The following SERGEF variants were observed in gnomAD, a reference collection of about 807,000 sequenced individuals.
SERGEF encodes the protein secretion-regulating guanine nucleotide exchange factor.
Under a neutral mutation model 50.0 loss-of-function variants are expected in SERGEF, and 51 were observed. That is an observed-to-expected ratio of 1.02 (90% CI 0.81 to 1.29). The LOEUF (loss-of-function observed/expected upper bound fraction) is 1.29, where lower values mean the gene tolerates loss of function less well. Among genes scored for constraint, SERGEF ranks in the 50% most tolerant of loss-of-function variants. SERGEF has a pLI of 0.00. For missense variants in SERGEF, 521 were observed against 557.0 expected (o/e 0.94, Z 0.65); for synonymous variants, 205 against 212.4 (o/e 0.97, Z 0.30).
intron 8 of SERGEF, among the ~76,000 whole-genome samples, chr11:17,976,086 C>T (rs1590228397): frequency 6.6e-6 from 1 of 152,022 alleles, no homozygotes; most frequent in Non-Finnish European, 1.5e-5. Flanking sequence ...AATGACTTGC[C>T]CAAGATCACA....
chr11:17,833,175 G>A (rs1271437706), intron 10 of SERGEF, among the ~76,000 whole-genome samples: 1 of 152,158 alleles, frequency 6.6e-6, no homozygotes, highest in African/African-American at 2.4e-5. Context: ...TGGGAGCAGG[G>A]TCCCTGTGCT....
chr11:17,898,086 T>C (rs578103626), intron 9 of SERGEF, among the ~76,000 whole-genome samples: 2 of 152,230 alleles, frequency 1.3e-5, no homozygotes, highest in Non-Finnish European at 2.9e-5. Context: ...GGGCTGAGCA[T>C]TCATGATAAT....
Position 17,992,000 on chromosome 11 carries a change from G to C in SERGEF, c.685+931C>G, listed in dbSNP as rs1164310484. On this transcript the variant is annotated intron_variant, in intron 7 of 10. Coordinates refer to ENST00000265965, the MANE Select transcript of SERGEF (RefSeq NM_012139.4). This position sits in a 1 kb window ranked among gnomAD's most constrained non-coding sequence, Gnocchi z 4.9. ...GTCTCCAGTCTACCAGCAGGGGTCAGGGCAATGTGGGCCAAAGAGAAGGGA... is the reference window on the plus strand; with the variant it reads ...GTCTCCAGTCTACCAGCAGGGGTCACGGCAATGTGGGCCAAAGAGAAGGGA... Among the ~76,000 whole-genome samples the C allele has an allele frequency of 6.6e-6, 1 of 152,162 alleles. No individual in the cohort carries two copies. The highest frequency in any genetic ancestry group is 1.5e-5 in the Non-Finnish European group (1 of 68,038).
At position 17,788,381 on chromosome 11, in the gene SERGEF, G is replaced by T; in HGVS notation, c.1081C>A (p.His361Asn). The T allele has an allele frequency of 6.2e-7, 1 of 1,611,990 alleles. No individual in the cohort carries two copies. The highest frequency in any genetic ancestry group is 8.5e-7 in the Non-Finnish European group (1 of 1,178,396). The change falls in exon 11 of 11, where the codon CAT (histidine) becomes AAT (asparagine). Residue 361 changes from histidine to asparagine, a missense_variant. Coordinates refer to ENST00000265965, the MANE Select transcript of SERGEF (RefSeq NM_012139.4). ...TCAGTGCCATCTCCGCACATGCCAT[G>T]CTCATTCCAGCCCCAAGAGTAACAC... ...GVCYSWGWNE[H>N]GMCGDGTEAN...
chr11:17,841,699 G>C (rs1372488216), intron 10 of SERGEF, among the ~76,000 whole-genome samples: 3 of 152,150 alleles, frequency 2.0e-5, no homozygotes, highest in Admixed American at 1.3e-4. Flanking sequence ...ATCCTTCTAT[G>C]ATTACTATGA....
chr11:17,919,970 A>C (rs1415361252), intron 9 of SERGEF, among the ~76,000 whole-genome samples: 1 of 148,988 alleles, frequency 6.7e-6, no homozygotes, highest in Non-Finnish European at 1.5e-5. Flanking sequence ...AACCGCAGCC[A>C]GGCACGGTGG....
intron 8 of SERGEF, among the ~76,000 whole-genome samples, chr11:17,973,555 G>A (rs1000068302): frequency 2.6e-5 from 4 of 152,164 alleles, no homozygotes; most frequent in African/African-American, 9.7e-5. Context: ...AGTAGGGAAG[G>A]GAAGGAGCCT....
At chr11:17,792,967 T>C (rs183126007) in intron 10 of SERGEF, among the ~76,000 whole-genome samples, 188 of 152,342 alleles carry the variant, frequency 1.2e-3, no homozygotes, top group African/African-American at 4.1e-3. Flanking sequence ...AATTTGGTCA[T>C]AGTTTGCCAT....
rs1181718058 is a variant in SERGEF at position 17,884,829 on chromosome 11, G to T, written c.1012-6585C>A. ...CTATCTTCCAGAGAAGTTGGGGTGA[G>T]AAGAAGAGAGCTAAAGTTTGGTTAA... On this transcript the variant is annotated intron_variant, in intron 9 of 10. Transcript: ENST00000265965. This position sits in a 1 kb window ranked among gnomAD's most constrained non-coding sequence, Gnocchi z 4.6. 6.6e-6 allele frequency among the ~76,000 whole-genome samples: 1 copy of T among 152,188 alleles called. No homozygotes were observed. Among genetic ancestry groups the T allele is most frequent in the African/African-American group, 2.4e-5 (1 of 41,440 alleles).
intron 10 of SERGEF, among the ~76,000 whole-genome samples, chr11:17,845,833 T>C (rs566916933): frequency 1.3e-4 from 20 of 152,312 alleles, no homozygotes; most frequent in African/African-American, 4.8e-4. Context: ...TCCAGGTCTA[T>C]AGAACTGGGA....
intron 10 of SERGEF, among the ~76,000 whole-genome samples, chr11:17,839,805 C>T (rs1258037404): frequency 6.6e-6 from 1 of 152,166 alleles, no homozygotes; most frequent in East Asian, 1.9e-4. Flanking sequence ...GACCCTCACA[C>T]ACAAAACTCT....
chr11:17,823,084 T>A (rs1043068065), intron 10 of SERGEF, among the ~76,000 whole-genome samples: 3 of 152,212 alleles, frequency 2.0e-5, no homozygotes, highest in African/African-American at 7.2e-5. Flanking sequence ...AGCCATCATG[T>A]CTCCTTAGTC....
At chr11:17,861,693 G>C (rs1367662119) in intron 10 of SERGEF, among the ~76,000 whole-genome samples, 3 of 152,260 alleles carry the variant, frequency 2.0e-5, no homozygotes, top group African/African-American at 7.2e-5. Context: ...TGTTTGGCTT[G>C]GTTGTCATGG....
intron 10 of SERGEF, among the ~76,000 whole-genome samples, chr11:17,794,788 T>C (rs894515277): frequency 6.6e-6 from 1 of 152,236 alleles, no homozygotes; most frequent in South Asian, 2.1e-4. Context: ...TTTAATATTA[T>C]ACTGTTCTCT....
chr11:17,951,488 G>A (rs576598949), intron 9 of SERGEF, among the ~76,000 whole-genome samples: 3 of 152,286 alleles, frequency 2.0e-5, no homozygotes, highest in East Asian at 1.9e-4. Flanking sequence ...CAGCCAGCAC[G>A]AGTTTACTAG....
intron 9 of SERGEF, chr11:17,918,766 C>T (rs1229373982): frequency 2.3e-6 from 1 of 440,794 alleles, no homozygotes; most frequent in Admixed American, 2.5e-5. Context: ...AAGGAGATGC[C>T]ATCTAAAGCT....
rs139259711 is a variant in SERGEF at position 17,981,593 on chromosome 11, G to A, written c.844+7004C>T. ...GCCAACTTCATATGAGAACATGGAT[G>A]TGAAAGTACTTTATAGTAATAAAGG... On this transcript the variant is annotated intron_variant, in intron 8 of 10. Coordinates refer to ENST00000265965, the MANE Select transcript of SERGEF (RefSeq NM_012139.4). Among the ~76,000 whole-genome samples, 1,043 of 152,286 alleles carry A rather than the reference G, an allele frequency of 6.8e-3. 4 individuals are homozygous for A. The highest frequency in any genetic ancestry group is 0.01 in the Non-Finnish European group (698 of 68,020).
chr11:17,831,425 T>C (rs942417662), intron 10 of SERGEF, among the ~76,000 whole-genome samples: 3 of 152,198 alleles, frequency 2.0e-5, no homozygotes, highest in African/African-American at 7.2e-5. Flanking sequence ...GTCACATGTA[T>C]GGCACTTTCA....
At chr11:17,807,937 A>G (rs1208200867) in intron 10 of SERGEF, among the ~76,000 whole-genome samples, 1 of 152,190 alleles carries the variant, frequency 6.6e-6, no homozygotes, top group Non-Finnish European at 1.5e-5. Flanking sequence ...GAACATGCCA[A>G]TTTCTAAGTC....
Sources: gnomAD v4.1 joint callset for allele counts (sites outside exome capture counted in the v4.1 genomes callset) on GRCh38, gnomAD v4.1.1 for gene constraint, Gnocchi (gnomAD v3.1) non-coding constraint, MANE v1.5 for transcripts, NCBI Gene and HGNC (gene_info 2026-07-23, HGNC 2026-07-21) for gene names.